PGR: variants seen among roughly 807,000 people sequenced by gnomAD.
PGR encodes nuclear receptor subfamily 3 group C member 3.
A neutral mutation model predicts 76.1 loss-of-function variants in PGR; 25 were observed. The ratio of observed to expected loss-of-function variants is 0.33; its 90% confidence interval spans 0.24 to 0.46. The LOEUF (loss-of-function observed/expected upper bound fraction) is 0.46. PGR is among the 20% of genes least tolerant of loss of function. PGR has a pLI of 1.00. For synonymous variants in PGR, 579 were observed against 535.0 expected (o/e 1.08, Z -1.14); for missense variants, 1,172 against 1,225.3 (o/e 0.96, Z 0.65).
At chr11:101,049,531 A>G (rs1316111093) in intron 6 of PGR, among the ~76,000 whole-genome samples, 1 of 152,150 alleles carries the variant, frequency 6.6e-6, no homozygotes, top group Non-Finnish European at 1.5e-5. Context: ...CTATGATGTT[A>G]TGGTGGCTAT....
At chr11:101,071,023 A>G (rs1373855613) in intron 3 of PGR, among the ~76,000 whole-genome samples, 1 of 152,138 alleles carries the variant, frequency 6.6e-6, no homozygotes, top group East Asian at 1.9e-4. Context: ...GTGCCTCCTG[A>G]CTGGGAGATA....
intron 2 of PGR, among the ~76,000 whole-genome samples, chr11:101,100,043 C>T (rs1226656570): frequency 5.3e-5 from 8 of 152,148 alleles, no homozygotes; most frequent in Admixed American, 3.3e-4. Flanking sequence ...GTAAATTTGG[C>T]ATAATGCTTC....
intron 3 of PGR, among the ~76,000 whole-genome samples, chr11:101,087,750 T>A (rs1293898684): frequency 2.1e-4 from 30 of 144,334 alleles, no homozygotes; most frequent in African/African-American, 6.7e-4. Flanking sequence ...AAAAAAAAAA[T>A]CTCACCAAAA....
chr11:101,072,392 A>T (rs1261808625), intron 3 of PGR, among the ~76,000 whole-genome samples: 1 of 152,180 alleles, frequency 6.6e-6, no homozygotes, highest in Non-Finnish European at 1.5e-5. Flanking sequence ...TGTAAAGACC[A>T]TCGATGCTAG....
intron 1 of PGR, among the ~76,000 whole-genome samples, 172 bp downstream of exon 1, chr11:101,127,262 G>A (rs1469562802): frequency 6.6e-6 from 1 of 152,182 alleles, no homozygotes; most frequent in Non-Finnish European, 1.5e-5. Flanking sequence ...AGGAGAGGAG[G>A]GAAGAAGAAG....
chr11:101,094,215 ACAT>A (rs2135460486), intron 2 of PGR, among the ~76,000 whole-genome samples: 1 of 152,270 alleles, frequency 6.6e-6, no homozygotes, highest in Admixed American at 6.5e-5. Flanking sequence ...GTTGTCGAAA[ACAT>A]CATCTACATT....
chr11:101,107,601 A>C (rs1336022800), intron 2 of PGR, among the ~76,000 whole-genome samples: 1 of 152,194 alleles, frequency 6.6e-6, no homozygotes, highest in Non-Finnish European at 1.5e-5. Context: ...AACATTAAAA[A>C]ATTACAAAAC....
In PGR at chr11:101,102,934, A is replaced by C. The variant is rs375612882; in HGVS notation, c.1790-11058T>G. ...CTTCAGATTATCAGGCATTAGTTAG[A>C]TTCTCATAAGGAGCACAACCTAGAT... On this transcript the variant is annotated intron_variant, in intron 2 of 7. Coordinates refer to ENST00000325455, the MANE Select transcript of PGR (RefSeq NM_000926.4). Among the ~76,000 whole-genome samples, 9 of 151,886 alleles carry C rather than the reference A, an allele frequency of 5.9e-5. 1 individual carries two copies. The South Asian group carries it at 1.7e-3, about 28-fold the overall frequency.
At chr11:101,090,788 G>A (rs1861652573) in intron 3 of PGR, among the ~76,000 whole-genome samples, 1 of 152,162 alleles carries the variant, frequency 6.6e-6, no homozygotes, top group African/African-American at 2.4e-5. Flanking sequence ...TTACTGTAAA[G>A]TGCCCAGTAT....
chr11:101,070,647 G>A (rs1434701953), intron 3 of PGR, among the ~76,000 whole-genome samples: 3 of 152,272 alleles, frequency 2.0e-5, no homozygotes, highest in South Asian at 2.1e-4. Context: ...TGGGAGGGGC[G>A]TCCACCATTA....
chr11:101,104,715 A>T (rs1369046619), intron 2 of PGR, among the ~76,000 whole-genome samples: 1 of 152,096 alleles, frequency 6.6e-6, no homozygotes, highest in East Asian at 1.9e-4. Context: ...TTTCCTTATG[A>T]CACTCAGTCT....
rs1863012219 is a variant in PGR at position 101,129,049 on chromosome 11, C to T, written c.22G>A (p.Gly8Ser). The T allele has an allele frequency of 1.9e-6, 3 of 1,557,486 alleles. No homozygotes were observed. The African/African-American group carries it at 4.1e-5, about 21-fold the overall frequency. MTELKAK[G>S]PRAPHVAGGP... ...CCCGCCACGTGGGGAGCCCGGGGAC[C>T]CTTTGCCTTCAGCTCAGTCATGACG... is the stretch of plus-strand genomic sequence containing the variant. Residue 8 changes from glycine (G) to serine (S), a missense_variant, in exon 1 of 8, where the codon GGT (glycine) becomes AGT (serine). By Grantham distance (56) the Gly-to-Ser change is moderately conservative. This residue lies in a region of PGR where 893 missense variants were observed against 785.9 expected (regional missense o/e 1.14). Transcript: ENST00000325455.
chr11:101,105,059 G>C (rs200704990), intron 2 of PGR, among the ~76,000 whole-genome samples: 2 of 152,292 alleles, frequency 1.3e-5, no homozygotes, highest in East Asian at 3.9e-4. Flanking sequence ...AAGATGCTAA[G>C]AGATGACAGG....
At position 101,074,012 on chromosome 11, in the gene PGR, G is replaced by GAGAAACAACAAAAA. The variant is rs1861035591; in HGVS notation, c.1907-11274_1907-11261dup. 3.9e-5 allele frequency among the ~76,000 whole-genome samples: 6 copies of GAGAAACAACAAAAA among 152,036 alleles called. 1 individual carries two copies. Among genetic ancestry groups the GAGAAACAACAAAAA allele is most frequent in the Admixed American group, 3.9e-4 (6 of 15,246 alleles). On this transcript the variant is annotated intron_variant, in intron 3 of 7. Transcript: ENST00000325455. ...ATCATCCTGACACCAAAACCCGGCA[G>GAGAAACAACAAAAA]AGAAACAACAAAAAAGAAAATTTCA...
At chr11:101,050,454 A>G (rs971322589) in intron 5 of PGR, among the ~76,000 whole-genome samples, 2 of 152,154 alleles carry the variant, frequency 1.3e-5, no homozygotes, top group African/African-American at 2.4e-5. Context: ...ATGAAAAATT[A>G]TATAATTTTG....
Position 101,038,043 on chromosome 11 carries a change from T to C in PGR, c.*1073A>G, listed in dbSNP as rs529336144. On this transcript the variant is annotated 3_prime_UTR_variant, in exon 8 of 8. Coordinates refer to ENST00000325455, the MANE Select transcript of PGR (RefSeq NM_000926.4). The stretch of plus-strand genomic sequence containing the variant: ...TGAGTCTCGAAGGTTGAAACATGCA[T>C]GGAATTTGTGTCAAAGGGGGAAAAT... 4.9e-6 allele frequency: 1 copy of C among 205,694 alleles called. No homozygotes were observed. Among genetic ancestry groups the C allele is most frequent in the Admixed American group, 6.0e-5 (1 of 16,770 alleles). 12.7% of individuals were successfully genotyped at this position (205,694 alleles called of 1,614,324 possible). A position where few individuals can be genotyped will look rare whatever the true frequency, so the allele number is the denominator to read the frequency against.
intron 3 of PGR, among the ~76,000 whole-genome samples, chr11:101,085,159 T>C (rs999333296): frequency 6.6e-6 from 1 of 152,132 alleles, no homozygotes; most frequent in Non-Finnish European, 1.5e-5. Flanking sequence ...ACACAGAACA[T>C]ATACTCCAAG....
chr11:101,087,084 A>G (rs1424652548), intron 3 of PGR, among the ~76,000 whole-genome samples: 1 of 152,218 alleles, frequency 6.6e-6, no homozygotes, highest in Non-Finnish European at 1.5e-5. Context: ...AGAAAAAGCT[A>G]TTCTAAAATT....
intron 6 of PGR, among the ~76,000 whole-genome samples, chr11:101,048,715 A>G (rs1239527982): frequency 6.6e-6 from 1 of 152,206 alleles, no homozygotes; most frequent in African/African-American, 2.4e-5. Flanking sequence ...GGCCTAGGAC[A>G]TTACTATACA....
Sources: gnomAD v4.1 joint callset for allele counts (sites outside exome capture counted in the v4.1 genomes callset) on GRCh38, gnomAD v4.1.1 for gene constraint, gnomAD v4.1.1 regional missense constraint, MANE v1.5 for transcripts, NCBI Gene and HGNC (gene_info 2026-07-23, HGNC 2026-07-21) for gene names.